The following SELENOP variants were observed in gnomAD, a reference collection of about 807,000 sequenced individuals.
SELENOP encodes the protein selenoprotein P, also known as selenoprotein P, plasma, 1.
A neutral mutation model predicts 41.0 loss-of-function variants in SELENOP; 36 were observed. The observed-to-expected ratio is 0.88, with a 90% CI of 0.67 to 1.16. The LOEUF is 1.16. Ranked by LOEUF, SELENOP falls within the 50% of genes most tolerant of loss-of-function variation. The pLI is 0.00. For missense variants in SELENOP, 440 were observed against 454.2 expected (o/e 0.97, Z 0.28); for synonymous variants, 144 against 150.8 (o/e 0.95, Z 0.33).
At chr5:42,811,161 G>A (rs941364929) in intron 1 of SELENOP, among the ~76,000 whole-genome samples, 3 of 152,150 alleles carry the variant, frequency 2.0e-5, no homozygotes, top group African/African-American at 7.2e-5. Context: ...TTAAAAAGCA[G>A]GATATGTACA....
chr5:42,805,160 A>G (rs548478695), intron 3 of SELENOP: 1 of 154,240 alleles, frequency 6.5e-6, no homozygotes, highest in East Asian at 1.9e-4. Context: ...AGGCAGCACA[A>G]ATTTGACACA....
chr5:42,805,240 C>G (rs1442348986), intron 3 of SELENOP: 1 of 152,272 alleles, frequency 6.6e-6, no homozygotes, highest in Non-Finnish European at 1.5e-5. Context: ...AAAAATGTAT[C>G]TAATGCAATG....
chr5:42,806,214 A>G (rs1186330217), intron 3 of SELENOP: 1 of 152,230 alleles, frequency 6.6e-6, no homozygotes, highest in Non-Finnish European at 1.5e-5. Flanking sequence ...ATGTCCTGCA[A>G]AATAGTGGAT....
intron 1 of SELENOP, among the ~76,000 whole-genome samples, chr5:42,809,972 CCT>C (rs1249005878): frequency 6.6e-6 from 1 of 152,044 alleles, no homozygotes; most frequent in Non-Finnish European, 1.5e-5. Flanking sequence ...ATACAATTAT[CCT>C]TATTATAGCT....
In SELENOP at chr5:42,807,077, CT is replaced by C; in HGVS notation, c.234del (p.Glu79LysfsTer?). The C allele has an allele frequency of 6.5e-7, 1 of 1,530,334 alleles. No homozygotes were observed. Among genetic ancestry groups the C allele is most frequent in the South Asian group, 1.2e-5 (1 of 86,296 alleles). The allele number at this position is 1,530,334 out of a possible 1,614,324, so 94.8% of individuals were successfully genotyped here. On this transcript the variant is annotated frameshift_variant, in exon 3 of 5. Coordinates refer to ENST00000514985, the MANE Select transcript of SELENOP (RefSeq NM_005410.4). LOFTEE classifies it high-confidence loss of function. ...KLEDLRVKLKKEGYSNISYIV... is the reference protein window; with the variant it reads ...KLEDLRVKLKXEGYSNISYIV... ...ATATAAGAAATATTAGAATATCCTTCTTTCTTCAGTTTTACTCGCAGGTCTT... is the reference window on the plus strand; with the variant it reads ...ATATAAGAAATATTAGAATATCCTTCTTCTTCAGTTTTACTCGCAGGTCTT...
In SELENOP at chr5:42,810,823, T is replaced by C. The variant is rs28919889; in HGVS notation, c.-14+1013A>G. 1,714 of 996,844 alleles carry C rather than the reference T, an allele frequency of 1.7e-3. 23 individuals are homozygous for C. In the African/African-American group the frequency reaches 0.028, roughly 16 times the overall value. The allele number at this position is 996,844 out of a possible 1,614,324, so 61.7% of individuals were successfully genotyped here. A position where few individuals can be genotyped will look rare whatever the true frequency, so the allele number is the denominator to read the frequency against. ...GAAAAGACTGTTTCACTCATTTCCC[T>C]CATTTAGGTTTATGATGAAAAAATA... On this transcript the variant is annotated intron_variant, in intron 1 of 4. Coordinates refer to ENST00000514985, the MANE Select transcript of SELENOP (RefSeq NM_005410.4).
At position 42,808,637 on chromosome 5, in the gene SELENOP, G is replaced by C. The variant is rs572349920; in HGVS notation, c.-13-271C>G. Among the ~76,000 whole-genome samples the C allele has an allele frequency of 8.1e-4, 123 of 152,148 alleles. No individual in the cohort carries two copies. The Middle Eastern group carries it at 0.01, about 13-fold the overall frequency. ...AAGAAGAAAGGGATAGGCCGGGTGT[G>C]GTGGCTCACGCCTGTAATCCCAGCA... On this transcript the variant is annotated intron_variant, in intron 1 of 4. Coordinates refer to ENST00000514985, the MANE Select transcript of SELENOP (RefSeq NM_005410.4).
chr5:42,808,032 A>T, intron 2 of SELENOP, 119 bp downstream of exon 2: 1 of 445,768 alleles, frequency 2.2e-6, no homozygotes. Flanking sequence ...GCAAACACAT[A>T]GTTTTTCTAA....
At position 42,808,316 on chromosome 5, in the gene SELENOP, AG is replaced by A. The variant is rs1372149169; in HGVS notation, c.37del (p.Leu13SerfsTer24). ...RSLGLALALC[L>X]LPSGGTESQD... ...GCTCTCTGTTCCTCCCGATGGGAGG[AG>A]ACAGAGAGCCAGGGCAAGCCCCAGG... On this transcript the variant is annotated frameshift_variant, in exon 2 of 5. Coordinates refer to ENST00000514985, the MANE Select transcript of SELENOP (RefSeq NM_005410.4). LOFTEE classifies it high-confidence loss of function. The A allele has an allele frequency of 6.2e-6, 9 of 1,463,324 alleles. No individual in the cohort carries two copies. In the African/African-American group the frequency reaches 7.3e-5, roughly 12 times the overall value. The allele number at this position is 1,463,324 out of a possible 1,614,324, so 90.6% of individuals were successfully genotyped here.
chr5:42,804,329 C>T (rs1054218626), intron 4 of SELENOP, among the ~76,000 whole-genome samples: 1 of 152,098 alleles, frequency 6.6e-6, no homozygotes, highest in Non-Finnish European at 1.5e-5. Flanking sequence ...GGAGTAGTGG[C>T]GGACGCCTGT....
At chr5:42,801,826 A>C (rs778953627) in intron 4 of SELENOP, 1 of 154,540 alleles carries the variant, frequency 6.5e-6, no homozygotes, top group Non-Finnish European at 1.4e-5. Flanking sequence ...CTGAGGTGGG[A>C]GGATCGTTTG....
At chr5:42,803,231 T>G (rs1167184135) in intron 4 of SELENOP, among the ~76,000 whole-genome samples, 2 of 152,158 alleles carry the variant, frequency 1.3e-5, no homozygotes, top group Non-Finnish European at 2.9e-5. Flanking sequence ...ATTAACTGCC[T>G]TTTTCAATAT....
chr5:42,806,864 A>C, intron 3 of SELENOP, 32 bp downstream of exon 3: 1 of 1,271,388 alleles, frequency 7.9e-7, no homozygotes, highest in Non-Finnish European at 1.1e-6. Context: ...GTTATTTTTA[A>C]ATTTGGGATG....
At chr5:42,808,845 G>C (rs1243153209) in intron 1 of SELENOP, among the ~76,000 whole-genome samples, 1 of 151,828 alleles carries the variant, frequency 6.6e-6, no homozygotes, top group Non-Finnish European at 1.5e-5. Flanking sequence ...GTGTGAACCC[G>C]GGCGGTGGAG....
rs1760169672 is a variant in SELENOP, at chr5:42,800,778, G to C, written c.1088C>G (p.Ala363Gly). 2.5e-6 allele frequency: 4 copies of C among 1,613,732 alleles called. No homozygotes were observed. The highest frequency in any genetic ancestry group is 3.4e-6 in the Non-Finnish European group (4 of 1,179,724). Residue 363 changes from alanine to glycine, a missense_variant, in exon 5 of 5, where the codon GCC becomes GGC. By Grantham distance (60) the Ala-to-Gly change is moderately conservative. Coordinates refer to ENST00000514985, the MANE Select transcript of SELENOP (RefSeq NM_005410.4). ...ATTCTTTCAGCGTCAACTGGCACTG[G>C]CTTCTGTGGGTATAAGCTGCTGACT... ...QISQQLIPTE[A>G]SASURUKNQA... is the part of the protein sequence containing the mutation.
intron 4 of SELENOP, among the ~76,000 whole-genome samples, chr5:42,803,423 T>C (rs560926083): frequency 6.6e-6 from 1 of 152,276 alleles, no homozygotes; most frequent in East Asian, 1.9e-4. Flanking sequence ...TCTTTAAAAA[T>C]AGTAAAATAA....
At position 42,808,349 on chromosome 5, in the gene SELENOP, C is replaced by G. The variant is rs1760384269; in HGVS notation, c.5G>C (p.Trp2Ser). ...AGCCAGGGCAAGCCCCAGGCTTCTC[C>G]ACATTGCTGGGGTTGTCCTGTAAAA... The part of the protein sequence containing the change: M[W>S]RSLGLALALC... Residue 2 changes from tryptophan (W) to serine (S), a missense_variant, in exon 2 of 5, where the codon TGG becomes TCG. Coordinates refer to ENST00000514985, the MANE Select transcript of SELENOP (RefSeq NM_005410.4). The G allele has an allele frequency of 1.4e-6, 2 of 1,393,952 alleles. No homozygotes were observed. The highest frequency in any genetic ancestry group is 1.9e-6 in the Non-Finnish European group (2 of 1,065,600). 86.3% of individuals were successfully genotyped at this position (1,393,952 alleles called of 1,614,324 possible). A position where few individuals can be genotyped will look rare whatever the true frequency, so the allele number is the denominator to read the frequency against.
intron 1 of SELENOP, among the ~76,000 whole-genome samples, chr5:42,811,191 C>A (rs538902119): frequency 1.3e-5 from 2 of 152,294 alleles, no homozygotes; most frequent in African/African-American, 2.4e-5. Context: ...TGTCCTCCAC[C>A]TCTGAACTTT....
At chr5:42,810,783 A>T in intron 1 of SELENOP, 1 of 1,089,598 alleles carries the variant, frequency 9.2e-7, no homozygotes, top group Non-Finnish European at 1.1e-6. Flanking sequence ...AAGTAGCTGA[A>T]TGGTGAATAC....
Sources: gnomAD v4.1 joint callset for allele counts (sites outside exome capture counted in the v4.1 genomes callset) on GRCh38, gnomAD v4.1.1 for gene constraint, MANE v1.5 for transcripts, NCBI Gene and HGNC (gene_info 2026-07-23, HGNC 2026-07-21) for gene names.